Variants in CUX1 observed in about 807,000 individuals in gnomAD.
CUX1 encodes the protein cut like homeobox 1.
In CUX1, 31 loss-of-function variants were observed where a neutral mutation model predicts 158.8. The observed-to-expected ratio is 0.20, with a 90% CI of 0.15 to 0.26. The LOEUF (loss-of-function observed/expected upper bound fraction) is 0.26, where lower values mean the gene tolerates loss of function less well. Among genes scored for constraint, CUX1 ranks in the 10% least tolerant of loss-of-function variants. The pLI is 1.00. For synonymous variants in CUX1, 879 were observed against 862.1 expected (o/e 1.02, Z -0.34); for missense variants, 1,589 against 2,014.6 (o/e 0.79, Z 4.04).
chr7:102,146,307 C>T (rs1835014366), intron 8 of CUX1, among the ~76,000 whole-genome samples: 1 of 152,182 alleles, frequency 6.6e-6, no homozygotes, highest in Non-Finnish European at 1.5e-5. Flanking sequence ...GAGTGACAGT[C>T]ACAGGCTGTT....
intron 4 of CUX1, 21 bp downstream of exon 4, chr7:102,070,438 C>T (rs755011388): frequency 6.3e-7 from 1 of 1,587,786 alleles, no homozygotes; most frequent in South Asian, 1.1e-5. Context: ...GCAGTAATGG[C>T]CCACCAGTGG....
At chr7:102,263,605 T>C (rs9770277) in intron 14 of CUX1, among the ~76,000 whole-genome samples, 90,780 of 151,328 alleles carry the variant, frequency 0.6, 27,603 homozygotes, top group East Asian at 0.79. Context: ...TGTGAGCCAC[T>C]GCGCCCAGCC....
At chr7:102,243,822 G>C (rs1220521796) in intron 23 of CUX1, among the ~76,000 whole-genome samples, 2 of 151,918 alleles carry the variant, frequency 1.3e-5, no homozygotes, top group African/African-American at 4.8e-5. Context: ...GAGGTCAGGA[G>C]TTCGAGACCA....
At chr7:101,876,904 G>A (rs1311633251) in intron 1 of CUX1, among the ~76,000 whole-genome samples, 4 of 139,814 alleles carry the variant, frequency 2.9e-5, no homozygotes, top group Admixed American at 8.0e-5. Context: ...GTGAGCCACC[G>A]CACCCGGCCT....
intron 10 of CUX1, among the ~76,000 whole-genome samples, chr7:102,173,652 C>T (rs887995168): frequency 9.2e-5 from 14 of 152,116 alleles, no homozygotes; most frequent in African/African-American, 2.9e-4. Flanking sequence ...ACACGGGGCC[C>T]CTGAGCTCAG....
At chr7:102,196,197 G>GC (rs1432959313) in intron 14 of CUX1, among the ~76,000 whole-genome samples, 1 of 152,242 alleles carries the variant, frequency 6.6e-6, no homozygotes, top group Non-Finnish European at 1.5e-5. Flanking sequence ...ACATCGAGGG[G>GC]GCTCGGTACG....
In CUX1 at chr7:102,201,553, C is replaced by T. The variant is rs1554519729; in HGVS notation, c.2256C>T (p.Pro752=). 1.2e-6 allele frequency: 2 copies of T among 1,614,178 alleles called. No homozygotes were observed. The part of the protein sequence containing the change: ...TPKLLSTSPM[P]TVSSYPPLAI... ...AGCTTCTGTCCACCTCGCCCATGCC[C>T]ACCGTGTCCAGCTACCCACCTCTCG... The change falls in exon 18 of 24, where the codon CCC becomes CCT. Residue 752 remains proline (P), a synonymous_variant. Coordinates refer to ENST00000292535, the MANE Select transcript of CUX1 (RefSeq NM_181552.4). The surrounding 1 kb of genome is among the most constrained non-coding windows in gnomAD (Gnocchi z 5.0).
upstream of CUX1, chr7:101,817,147 A>T (rs1379643615): frequency 1.2e-5 from 12 of 983,228 alleles, no homozygotes; most frequent in East Asian, 8.2e-4. The surrounding 1 kb of genome is among the most constrained non-coding windows in gnomAD (Gnocchi z 4.1). Context: ...CGGGAGGAGG[A>T]GGCTGCAACT....
chr7:102,075,384 C>G (rs991521253), intron 4 of CUX1, among the ~76,000 whole-genome samples: 41 of 152,210 alleles, frequency 2.7e-4, no homozygotes, highest in African/African-American at 9.9e-4. Context: ...CCTGGCCTCC[C>G]CAGCTGGTTT....
chr7:102,139,170 G>A (rs372112741), intron 8 of CUX1, among the ~76,000 whole-genome samples: 26 of 151,424 alleles, frequency 1.7e-4, no homozygotes, highest in African/African-American at 5.6e-4. Flanking sequence ...ACTTGAACCC[G>A]GGAGGCAGAG....
chr7:102,132,332 G>A (rs1298871689), intron 8 of CUX1, among the ~76,000 whole-genome samples: 33 of 146,306 alleles, frequency 2.3e-4, no homozygotes, highest in African/African-American at 5.6e-4. Context: ...CGCACGCCAC[G>A]CACACACGCA....
intron 2 of CUX1, among the ~76,000 whole-genome samples, chr7:101,922,240 C>T (rs1310631633): frequency 6.6e-6 from 1 of 152,140 alleles, no homozygotes; most frequent in Non-Finnish European, 1.5e-5. Context: ...TAAAAAGTTT[C>T]TTATCTTTCT....
chr7:102,197,080 G>A lies in CUX1; in HGVS notation c.1669G>A (p.Ala557Thr), dbSNP rs782261181. ...CGAGGAGATGGACACTGCAGAAATC[G>A]CCCGGCAGGTCAAAGAGCAGCTGAT... ...EGEEMDTAEI[A>T]RQVKEQLIKH... is the part of the protein sequence containing the mutation. Residue 557 changes from alanine to threonine, a missense_variant, in exon 15 of 24, where the codon GCC becomes ACC. Around this residue, in one of 8 missense-constraint regions of CUX1, gnomAD observed 37 missense variants for 124.9 expected, o/e 0.30. Transcript: ENST00000292535. The A allele has an allele frequency of 2.5e-6, 4 of 1,614,084 alleles. No homozygotes were observed. The highest frequency in any genetic ancestry group is 2.7e-5 in the African/African-American group (2 of 74,934).
chr7:102,263,274 C>G (rs1586490876), intron 14 of CUX1, among the ~76,000 whole-genome samples: 1 of 145,988 alleles, frequency 6.8e-6, no homozygotes, highest in Non-Finnish European at 1.5e-5. Flanking sequence ...CTTGGCATCC[C>G]AAAGTACTGG....
At chr7:102,142,201 C>T (rs184153928) in intron 8 of CUX1, among the ~76,000 whole-genome samples, 2 of 152,182 alleles carry the variant, frequency 1.3e-5, no homozygotes, top group East Asian at 1.9e-4. Flanking sequence ...GAGAAGCCCG[C>T]GTCTTGTCCA....
intron 3 of CUX1, among the ~76,000 whole-genome samples, chr7:102,064,903 G>A (rs1194251121): frequency 6.6e-6 from 1 of 152,192 alleles, no homozygotes; most frequent in Non-Finnish European, 1.5e-5. Context: ...TGTGCATTGG[G>A]TCTTGCAGCA....
chr7:102,048,402 GAA>G (rs1432746754), intron 3 of CUX1, among the ~76,000 whole-genome samples: 2 of 152,210 alleles, frequency 1.3e-5, no homozygotes, highest in Non-Finnish European at 2.9e-5. Flanking sequence ...TGTGAGGTCA[GAA>G]ATAGACCGAA....
intron 20 of CUX1, among the ~76,000 whole-genome samples, chr7:102,210,539 C>T (rs1227377861): frequency 9.9e-5 from 15 of 152,114 alleles, no homozygotes; most frequent in Admixed American, 5.2e-4. Context: ...AATGTGGGAG[C>T]GTTTCATTGC....
intron 11 of CUX1, among the ~76,000 whole-genome samples, chr7:102,186,651 T>TAA (rs1793660657): frequency 2.0e-5 from 3 of 152,054 alleles, no homozygotes; most frequent in Admixed American, 2.0e-4. Context: ...CCAGCACCAT[T>TAA]ACTGAGCATT....
Sources: allele counts gnomAD v4.1 joint callset (sites outside exome capture counted in the v4.1 genomes callset), GRCh38; gene constraint gnomAD v4.1.1; regional missense constraint gnomAD v4.1.1; non-coding constraint Gnocchi (gnomAD v3.1); transcripts MANE v1.5; gene names NCBI Gene and HGNC (gene_info 2026-07-23, HGNC 2026-07-21).